CLIP1: variants seen among roughly 807,000 people sequenced by gnomAD.
The protein encoded by CLIP1 is CAP-Gly domain containing linker protein 1.
A neutral mutation model predicts 161.6 loss-of-function variants in CLIP1; 66 were observed. The ratio of observed to expected loss-of-function variants is 0.41; its 90% confidence interval spans 0.33 to 0.50. The LOEUF (loss-of-function observed/expected upper bound fraction) is 0.50. CLIP1 is among the 20% of genes least tolerant of loss of function. The probability of loss-of-function intolerance (pLI) is 0.27; values close to 1 mark genes in which losing one functional copy is unlikely to be tolerated. For synonymous variants in CLIP1, 598 were observed against 626.2 expected, an observed-to-expected ratio of 0.96 and a Z score of 0.67; for missense variants, 1,376 against 1,702.0, an observed-to-expected ratio of 0.81 and a Z score of 3.37.
intron 1 of CLIP1, among the ~76,000 whole-genome samples, chr12:122,394,445 C>T (rs1018078314): frequency 5.0e-5 from 7 of 140,972 alleles, no homozygotes; most frequent in Admixed American, 3.0e-4. Context: ...GCCAAGATTT[C>T]GCCACTGCAC....
At position 122,364,404 on chromosome 12, in the gene CLIP1, AC is replaced by A. The variant is rs1251932819; in HGVS notation, c.658-298del. 4.8e-3 allele frequency among the ~76,000 whole-genome samples: 549 copies of A among 113,754 alleles called. 6 individuals are homozygous for A. Among genetic ancestry groups the A allele is most frequent in the Admixed American group, 0.019 (182 of 9,664 alleles). The allele number at this position is 113,754 out of a possible 152,430, so 74.6% of individuals were successfully genotyped here. A position where few individuals can be genotyped will look rare whatever the true frequency, so the allele number is the denominator to read the frequency against. ...TTCATTATTGCTTTTCTTAGAAAATACTTTTTTTTTTTTTTTTGAGACAGGG... is the reference window on the plus strand; with the variant it reads ...TTCATTATTGCTTTTCTTAGAAAATATTTTTTTTTTTTTTTTGAGACAGGG... On this transcript the variant is annotated intron_variant, in intron 3 of 25. Transcript: ENST00000620786.
chr12:122,313,722 C>T (rs143673375), intron 19 of CLIP1, among the ~76,000 whole-genome samples: 1 of 152,024 alleles, frequency 6.6e-6, no homozygotes, highest in African/African-American at 2.4e-5. Context: ...CATTTCAAAA[C>T]AACAACAACA....
intron 21 of CLIP1, among the ~76,000 whole-genome samples, chr12:122,281,466 C>T (rs1031541254): frequency 1.3e-5 from 2 of 152,008 alleles, no homozygotes; most frequent in South Asian, 2.1e-4. Context: ...GCAGGAGGAT[C>T]GCTTGAGGCC....
At chr12:122,332,707 C>T (rs1952033851) in intron 15 of CLIP1, among the ~76,000 whole-genome samples, 1 of 152,200 alleles carries the variant, frequency 6.6e-6, no homozygotes, top group Non-Finnish European at 1.5e-5. Flanking sequence ...AGGCATGAGC[C>T]ACCGCACCCG....
At chr12:122,378,017 C>A in intron 2 of CLIP1, 57 bp from the exon 3 acceptor site, 1 of 1,460,020 alleles carries the variant, frequency 6.8e-7, no homozygotes, top group Non-Finnish European at 9.3e-7. Flanking sequence ...CAACCTCTAA[C>A]TTAAAGAAAA....
At chr12:122,421,728 T>C (rs1455263374) in intron 1 of CLIP1, among the ~76,000 whole-genome samples, 2 of 151,988 alleles carry the variant, frequency 1.3e-5, no homozygotes, top group Non-Finnish European at 2.9e-5. Flanking sequence ...CCACATGAAG[T>C]GGAGAAACAG....
intron 19 of CLIP1, among the ~76,000 whole-genome samples, chr12:122,313,149 C>T (rs1951124961): frequency 6.6e-6 from 1 of 152,194 alleles, no homozygotes; most frequent in Non-Finnish European, 1.5e-5. Context: ...CTCCCGTTAA[C>T]AGTCCCAGCC....
chr12:122,302,216 T>A (rs976429749), intron 20 of CLIP1, among the ~76,000 whole-genome samples: 19 of 152,202 alleles, frequency 1.2e-4, no homozygotes, highest in African/African-American at 4.3e-4. Context: ...TTCTCCTGCC[T>A]CAGCCTCCCA....
At chr12:122,357,197 G>C (rs1173022365) in intron 5 of CLIP1, among the ~76,000 whole-genome samples, 2 of 150,948 alleles carry the variant, frequency 1.3e-5, no homozygotes, top group African/African-American at 4.9e-5. Flanking sequence ...AGTGAGGAGC[G>C]TCTCTGCCCG....
At chr12:122,415,101 G>A (rs752502016) in intron 1 of CLIP1, among the ~76,000 whole-genome samples, 22 of 151,674 alleles carry the variant, frequency 1.5e-4, no homozygotes, top group Non-Finnish European at 2.2e-4. Flanking sequence ...AACATAAGAC[G>A]CTGTTAATAG....
At position 122,361,068 on chromosome 12, in the gene CLIP1, A is replaced by G. The variant is rs775992825; in HGVS notation, c.896T>C (p.Val299Ala). The G allele has an allele frequency of 3.3e-5, 53 of 1,614,046 alleles. No individual in the cohort carries two copies. Among genetic ancestry groups the G allele is most frequent in the Non-Finnish European group, 9.3e-6 (11 of 1,180,044 alleles). The change falls in exon 5 of 26, where the codon GTG becomes GCG. Residue 299 changes from valine to alanine, a missense_variant. Physicochemically the swap from Val to Ala is moderately conservative, Grantham distance 64 (BLOSUM62 0). This residue lies in a region of CLIP1 where 211 missense variants were observed against 295.1 expected (regional missense o/e 0.72). Transcript: ENST00000620786. The part of the protein sequence containing the change: ...AKAKANAVRR[V>A]MATTSASLKR... ...CAGGCTGGCGGACGTGGTCGCCATC[A>G]CTCGCCTCACTGCGTTGGCCTTGGC...
At position 122,327,910 on chromosome 12, in the gene CLIP1, A is replaced by C. The variant is rs529422212; in HGVS notation, c.3249+37T>G. Reference sequence around the variant, plus strand: ...TCCTGCCTCGACACAGAGCTCAGGCAAGCTACAACACAAGGAAATTCTCTC... The same window carrying C: ...TCCTGCCTCGACACAGAGCTCAGGCCAGCTACAACACAAGGAAATTCTCTC... On this transcript the variant is annotated intron_variant, in intron 17 of 25. Coordinates refer to ENST00000620786, the MANE Select transcript of CLIP1 (RefSeq NM_001247997.2). 8.1e-6 allele frequency: 13 copies of C among 1,599,266 alleles called. No homozygotes were observed. The South Asian group carries it at 1.4e-4, about 18-fold the overall frequency.
chr12:122,351,207 T>C (rs1257920686), intron 8 of CLIP1, 64 bp from the exon 9 acceptor site: 2 of 1,004,362 alleles, frequency 2.0e-6, no homozygotes, highest in Non-Finnish European at 2.8e-6. Flanking sequence ...AAAGCTTCAA[T>C]ATGTGTTAGG....
chr12:122,379,808 G>A (rs1212182061), intron 2 of CLIP1, among the ~76,000 whole-genome samples: 4 of 151,332 alleles, frequency 2.6e-5, no homozygotes, highest in African/African-American at 7.3e-5. Context: ...GCTGGGTATG[G>A]TGGCATGTGT....
chr12:122,342,999 C>CATGTGTGGCTTACATT (rs1217491428), intron 10 of CLIP1: 14 of 151,912 alleles, frequency 9.2e-5, no homozygotes, highest in African/African-American at 3.4e-4. Flanking sequence ...ATAAATTGTA[C>CATGTGTGGCTTACATT]ATGTGTGGCT....
At chr12:122,297,938 CATCCAGTGACTG>C (rs1950535077) in intron 20 of CLIP1, among the ~76,000 whole-genome samples, 1 of 152,178 alleles carries the variant, frequency 6.6e-6, no homozygotes, top group African/African-American at 2.4e-5. Flanking sequence ...GCATGGATCA[CATCCAGTGACTG>C]ATCCATGTGG....
intron 18 of CLIP1, among the ~76,000 whole-genome samples, chr12:122,317,096 T>C (rs1230974015): frequency 9.2e-5 from 14 of 152,176 alleles, no homozygotes; most frequent in Admixed American, 9.2e-4. Context: ...TCAAACTAGA[T>C]TGCTACACAG....
chr12:122,337,163 T>C (rs1162223704), intron 11 of CLIP1, among the ~76,000 whole-genome samples: 2 of 151,812 alleles, frequency 1.3e-5, no homozygotes, highest in Admixed American at 6.6e-5. Flanking sequence ...AGATGGGGTC[T>C]CTGGCTGGGC....
rs191829547 is a variant in CLIP1 at position 122,386,899 on chromosome 12, T to C, written c.-106-6341A>G. The stretch of plus-strand genomic sequence containing the variant: ...TAAGATCATCCTGCCAATCGTGACT[T>C]GGTTTTTTTAAGATAGGGTCTTGCC... On this transcript the variant is annotated intron_variant, in intron 1 of 25. Coordinates refer to ENST00000620786, the MANE Select transcript of CLIP1 (RefSeq NM_001247997.2). Among the ~76,000 whole-genome samples, 3 of 151,796 alleles carry C rather than the reference T, an allele frequency of 2.0e-5. No homozygotes were observed. In the East Asian group the frequency reaches 5.8e-4, roughly 29 times the overall value.
Sources: allele counts gnomAD v4.1 joint callset (sites outside exome capture counted in the v4.1 genomes callset), GRCh38; gene constraint gnomAD v4.1.1; regional missense constraint gnomAD v4.1.1; transcripts MANE v1.5; gene names NCBI Gene and HGNC (gene_info 2026-07-23, HGNC 2026-07-21).